Variants in CRY2 observed in about 807,000 individuals in gnomAD.
CRY2 encodes cryptochrome-2.
Under a neutral mutation model 69.5 loss-of-function variants are expected in CRY2, and 31 were observed. The ratio of observed to expected loss-of-function variants is 0.45; its 90% confidence interval spans 0.34 to 0.60. The LOEUF (loss-of-function observed/expected upper bound fraction) is 0.60. CRY2 is among the 20% of genes least tolerant of loss of function. The pLI, the probability that CRY2 is intolerant of heterozygous loss-of-function variation, is 0.02. For missense variants in CRY2, 606 were observed against 797.8 expected (o/e 0.76, Z 2.90); for synonymous variants, 303 against 312.2 (o/e 0.97, Z 0.31).
intron 2 of CRY2, among the ~76,000 whole-genome samples, chr11:45,857,774 T>G (rs146657025): frequency 6.6e-6 from 1 of 152,368 alleles, no homozygotes; most frequent in South Asian, 2.1e-4. Context: ...TATTCAGTGA[T>G]GTAACCTATA....
At chr11:45,849,190 C>G (rs1590759738) in intron 1 of CRY2, among the ~76,000 whole-genome samples, 1 of 152,088 alleles carries the variant, frequency 6.6e-6, no homozygotes, top group African/African-American at 2.4e-5. Flanking sequence ...CAATAAAATT[C>G]CTGTTGATTA....
At chr11:45,872,697 G>A (rs895541420) in intron 11 of CRY2, among the ~76,000 whole-genome samples, 1 of 152,160 alleles carries the variant, frequency 6.6e-6, no homozygotes, top group Non-Finnish European at 1.5e-5. Context: ...AAGCCCTTTT[G>A]TATTTTTTTG....
chr11:45,847,407 T>C (rs1249070302), upstream of CRY2: 9 of 1,593,658 alleles, frequency 5.6e-6, no homozygotes, highest in Admixed American at 1.7e-5. Flanking sequence ...AGTTGCGGCG[T>C]CATAGGTCAC....
In CRY2 at chr11:45,870,473, G is replaced by A. The variant is rs766540971; in HGVS notation, c.1490G>A (p.Arg497Gln). Residue 497 changes from arginine (R) to glutamine (Q), a missense_variant, in exon 9 of 12, where the codon CGG becomes CAG. Arg to Gln is a conservative substitution (Grantham distance 43). Transcript: ENST00000616080. ...RPIVNHAETS[R>Q]LNIERMKQIY... ...ATCGTCAACCATGCCGAGACCAGCC[G>A]GCTTAACATTGAACGAATGAAGCAG... The A allele has an allele frequency of 2.4e-5, 39 of 1,614,040 alleles. No individual in the cohort carries two copies. The highest frequency in any genetic ancestry group is 3.0e-5 in the Non-Finnish European group (35 of 1,180,030).
intron 5 of CRY2, among the ~76,000 whole-genome samples, chr11:45,865,166 A>T (rs1038603843): frequency 6.6e-6 from 1 of 152,234 alleles, no homozygotes; most frequent in Non-Finnish European, 1.5e-5. Context: ...CTGTGAAAAG[A>T]TAAAGTCCTT....
In CRY2 at chr11:45,854,667, C is replaced by T. The variant is rs543578943; in HGVS notation, c.216-1315C>T. Among the ~76,000 whole-genome samples the T allele has an allele frequency of 2.1e-3, 318 of 152,070 alleles. 2 individuals are homozygous for T. The highest frequency in any genetic ancestry group is 2.5e-3 in the Non-Finnish European group (172 of 67,990). ...TTACGCCACTGCACTCCAGCCTGGG[C>T]GACAGAGCGAGACTCTGTCTCAAAA... On this transcript the variant is annotated intron_variant, in intron 1 of 11. Transcript: ENST00000616080.
intron 1 of CRY2, 55 bp downstream of exon 1, chr11:45,847,760 G>T: frequency 6.7e-7 from 1 of 1,493,196 alleles, no homozygotes. Flanking sequence ...TGACCCTGGG[G>T]TGACCGGCGA....
chr11:45,849,078 A>G lies in CRY2; in HGVS notation c.215+1373A>G, dbSNP rs545776230. Among the ~76,000 whole-genome samples the G allele has an allele frequency of 1.1e-3, 165 of 152,304 alleles. 2 individuals are homozygous for G. The highest frequency in any genetic ancestry group is 3.4e-3 in the Middle Eastern group (1 of 294). ...GGAGCCAGGCAAATGGAATCCGACTACCTTCTTGTTACATTGTCACAGAGT... is the reference window on the plus strand; with the variant it reads ...GGAGCCAGGCAAATGGAATCCGACTGCCTTCTTGTTACATTGTCACAGAGT... On this transcript the variant is annotated intron_variant, in intron 1 of 11. Coordinates refer to ENST00000616080, the MANE Select transcript of CRY2 (RefSeq NM_021117.5).
intron 1 of CRY2, among the ~76,000 whole-genome samples, chr11:45,849,866 G>C (rs2086182882): frequency 6.6e-6 from 1 of 151,924 alleles, no homozygotes; most frequent in Non-Finnish European, 1.5e-5. Context: ...CAGGTGATCT[G>C]CCCACCTTGG....
Position 45,860,786 on chromosome 11 carries a change from T to C in CRY2, c.468-62T>C, listed in dbSNP as rs555952848. On this transcript the variant is annotated intron_variant, in intron 3 of 11. Transcript: ENST00000616080. ...TTCAGAGTCTGGGTTCTTTTTTGGG[T>C]GGGCAGGGACCCACATCACAGGGCC... 130 of 1,555,940 alleles carry C rather than the reference T, an allele frequency of 8.4e-5. No individual in the cohort carries two copies. In the East Asian group the frequency reaches 2.7e-3, roughly 33 times the overall value.
intron 4 of CRY2, 108 bp from the exon 5 acceptor site, chr11:45,861,952 C>A: frequency 1.1e-6 from 1 of 936,172 alleles, no homozygotes; most frequent in South Asian, 1.5e-5. Flanking sequence ...CCAGTAGCAC[C>A]GAGACACTGT....
chr11:45,870,189 G>T lies in CRY2; in HGVS notation c.1331G>T (p.Ser444Ile), dbSNP rs1590770078. ...PVGFGRRTDP[S>I]GDYIRRYLPK... The stretch of plus-strand genomic sequence containing the variant: ...GGCTTTGGCCGTCGCACGGACCCCA[G>T]TGGGGACTACATCAGGTGAGGATAC... Residue 444 changes from serine to isoleucine, a missense_variant, in exon 8 of 12, where the codon AGT becomes ATT. By Grantham distance (142) the Ser-to-Ile change is moderately radical. Transcript: ENST00000616080. The T allele has an allele frequency of 6.2e-7, 1 of 1,612,894 alleles. No homozygotes were observed.
At chr11:45,854,237 C>T (rs2086220968) in intron 1 of CRY2, among the ~76,000 whole-genome samples, 1 of 152,180 alleles carries the variant, frequency 6.6e-6, no homozygotes. Flanking sequence ...GTGACATATG[C>T]AGATTGACCT....
At chr11:45,850,013 T>G (rs12795202) in intron 1 of CRY2, among the ~76,000 whole-genome samples, 17 of 97,510 alleles carry the variant, frequency 1.7e-4, no homozygotes, top group South Asian at 1.2e-3. Context: ...TTTTTGTTTT[T>G]TTTTTTTTTT....
chr11:45,863,448 TG>T (rs1393336363), intron 5 of CRY2, among the ~76,000 whole-genome samples: 1 of 151,910 alleles, frequency 6.6e-6, no homozygotes, highest in Non-Finnish European at 1.5e-5. Flanking sequence ...CCTTACGCCA[TG>T]GACATATTCA....
chr11:45,880,021 A>G (rs1447243815), intron 11 of CRY2, among the ~76,000 whole-genome samples: 1 of 152,116 alleles, frequency 6.6e-6, no homozygotes, highest in African/African-American at 2.4e-5. Context: ...TACCTCTTTA[A>G]AGACCCTGTC....
rs773960751 is a variant in CRY2 at position 45,847,701 on chromosome 11, T to A, written c.211T>A (p.Trp71Arg). Reference sequence around the variant, plus strand: ...CTCCTCCTCAGTCGGGATCAACCGATGGAGGTGAGGGGACCCGGGGCTGGG... The same window carrying A: ...CTCCTCCTCAGTCGGGATCAACCGAAGGAGGTGAGGGGACCCGGGGCTGGG... ...AASSSVGINR[W>R]RFLLQSLEDL... The change falls in exon 1 of 12, where the codon TGG becomes AGG. Residue 71 changes from tryptophan (W) to arginine (R), a missense_variant. Around this residue, in one of 5 missense-constraint regions of CRY2, gnomAD observed 382 missense variants for 508.9 expected, o/e 0.75. Coordinates refer to ENST00000616080, the MANE Select transcript of CRY2 (RefSeq NM_021117.5). The A allele has an allele frequency of 1.3e-6, 2 of 1,566,978 alleles. No individual in the cohort carries two copies. The highest frequency in any genetic ancestry group is 1.7e-6 in the Non-Finnish European group (2 of 1,156,306).
Position 45,882,359 on chromosome 11 carries a change from C to G in CRY2, c.*1448C>G. On this transcript the variant is annotated 3_prime_UTR_variant, in exon 12 of 12. Transcript: ENST00000616080. ...TTTTGTCCTCACGTGTATCATTAAGCTGGCCTTTGGGCCTTTTCCTTTCTA... is the reference window on the plus strand; with the variant it reads ...TTTTGTCCTCACGTGTATCATTAAGGTGGCCTTTGGGCCTTTTCCTTTCTA... 5.8e-6 allele frequency: 2 copies of G among 347,618 alleles called. No individual in the cohort carries two copies. Among genetic ancestry groups the G allele is most frequent in the Non-Finnish European group, 5.2e-6 (1 of 193,628 alleles). 21.5% of individuals were successfully genotyped at this position (347,618 alleles called of 1,614,324 possible).
chr11:45,847,367 T>TG (rs2086157316), upstream of CRY2: 45 of 1,598,400 alleles, frequency 2.8e-5, no homozygotes, highest in Non-Finnish European at 3.2e-5. Flanking sequence ...AGAGGGGCTC[T>TG]GGGGCCCTGT....
Sources: gnomAD v4.1 joint callset for allele counts (sites outside exome capture counted in the v4.1 genomes callset) on GRCh38, gnomAD v4.1.1 for gene constraint, gnomAD v4.1.1 regional missense constraint, MANE v1.5 for transcripts, NCBI Gene and HGNC (gene_info 2026-07-23, HGNC 2026-07-21) for gene names.